The following SMARCAL1 variants were observed in gnomAD, a reference collection of about 807,000 sequenced individuals.
SMARCAL1 encodes SNF2 related chromatin remodeling annealing helicase 1, also known as ATP-driven annealing helicase.
A neutral mutation model predicts 94.5 loss-of-function variants in SMARCAL1; 58 were observed. The observed-to-expected ratio is 0.61, with a 90% CI of 0.50 to 0.76. The LOEUF (loss-of-function observed/expected upper bound fraction) is 0.76. SMARCAL1 is among the 30% of genes least tolerant of loss of function. The probability of loss-of-function intolerance (pLI) is 0.00; values close to 1 mark genes in which losing one functional copy is unlikely to be tolerated. For missense variants in SMARCAL1, 1,051 were observed against 1,177.9 expected (o/e 0.89, Z 1.58); for synonymous variants, 422 against 455.1 (o/e 0.93, Z 0.93).
rs571523733 is a variant in SMARCAL1 at position 216,434,920 on chromosome 2, G to A, written c.1486-418G>A. ...GTTGCCCAGGCCGGAGTGCAATGGC[G>A]CGATCTCGTCTCACCACAACCTCCA... On this transcript the variant is annotated intron_variant, in intron 8 of 17. Transcript: ENST00000357276. Among the ~76,000 whole-genome samples, 27 of 149,140 alleles carry A rather than the reference G, an allele frequency of 1.8e-4. No homozygotes were observed. The South Asian group carries it at 3.0e-3, about 16-fold the overall frequency.
chr2:216,444,814 G>A (rs1335975172), intron 10 of SMARCAL1, among the ~76,000 whole-genome samples: 2 of 152,134 alleles, frequency 1.3e-5, no homozygotes, highest in African/African-American at 4.8e-5. Context: ...ATCATGCCCG[G>A]TCAACTCTTA....
intron 17 of SMARCAL1, among the ~76,000 whole-genome samples, chr2:216,481,582 C>T (rs1301025898): frequency 6.6e-6 from 1 of 152,068 alleles, no homozygotes; most frequent in African/African-American, 2.4e-5. Flanking sequence ...TGGCTCACTG[C>T]AACCTCTGCC....
rs187010747 is a variant in SMARCAL1 at position 216,426,898 on chromosome 2, G to A, written c.1148-1698G>A. ...AACGTGTGCATAGGAAACTGATGAA[G>A]AAATGACAATAAGACCTGAGTACGT... On this transcript the variant is annotated intron_variant, in intron 6 of 17. Transcript: ENST00000357276. Among the ~76,000 whole-genome samples the A allele has an allele frequency of 5.0e-4, 76 of 152,300 alleles. 1 individual carries two copies. Among genetic ancestry groups the A allele is most frequent in the Middle Eastern group, 3.4e-3 (1 of 294 alleles).
chr2:216,422,915 C>T (rs1574449607), intron 5 of SMARCAL1, among the ~76,000 whole-genome samples: 1 of 152,226 alleles, frequency 6.6e-6, no homozygotes, highest in East Asian at 1.9e-4. Flanking sequence ...CTACACGATG[C>T]TGATTAGCAG....
At chr2:216,424,961 C>G (rs776488318) in intron 6 of SMARCAL1, among the ~76,000 whole-genome samples, 2 of 152,160 alleles carry the variant, frequency 1.3e-5, no homozygotes, top group Non-Finnish European at 2.9e-5. Context: ...CGCTGTCACC[C>G]AGGCTGGAGT....
intron 5 of SMARCAL1, 84 bp downstream of exon 5, chr2:216,420,616 T>C (rs1016976531): frequency 1.1e-5 from 12 of 1,051,580 alleles, no homozygotes; most frequent in Admixed American, 1.1e-4. Flanking sequence ...ACCTCGAATA[T>C]TCAAAAATTA....
intron 10 of SMARCAL1, among the ~76,000 whole-genome samples, chr2:216,442,075 G>A (rs1374116091): frequency 6.6e-6 from 1 of 152,074 alleles, no homozygotes; most frequent in Non-Finnish European, 1.5e-5. Context: ...AAAGGTATAA[G>A]GTTTTTTTCT....
Position 216,415,333 on chromosome 2 carries a change from G to T in SMARCAL1, c.629G>T (p.Ser210Ile), listed in dbSNP as rs760336986. ...SGQNISYIHS[S>I]SESVTPRTEG... ...CAGAACATTTCTTACATCCATTCTAGCTCAGAGAGTGTAACGCCCAGGACA... is the reference window on the plus strand; with the variant it reads ...CAGAACATTTCTTACATCCATTCTATCTCAGAGAGTGTAACGCCCAGGACA... Residue 210 changes from serine to isoleucine, a missense_variant, in exon 3 of 18, where the codon AGC (serine) becomes ATC (isoleucine). By Grantham distance (142) the Ser-to-Ile change is moderately radical. Transcript: ENST00000357276. 1.2e-5 allele frequency: 19 copies of T among 1,614,218 alleles called. No homozygotes were observed. Among genetic ancestry groups the T allele is most frequent in the Non-Finnish European group, 1.5e-5 (18 of 1,180,042 alleles).
intron 6 of SMARCAL1, among the ~76,000 whole-genome samples, chr2:216,425,654 GGAGAGTGAGCAAGGCA>G (rs1304090196): frequency 1.3e-5 from 2 of 152,178 alleles, no homozygotes; most frequent in African/African-American, 4.8e-5. Flanking sequence ...ATGAACAACT[GGAGAGTGAGCAAGGCA>G]GAGAAGGGTT....
chr2:216,480,862 T>G (rs966339770), intron 17 of SMARCAL1, among the ~76,000 whole-genome samples: 2 of 152,134 alleles, frequency 1.3e-5, no homozygotes, highest in African/African-American at 4.8e-5. Flanking sequence ...CAAAAAAATC[T>G]TTAAAGGAGA....
At chr2:216,420,806 G>T (rs1281862180) in intron 5 of SMARCAL1, among the ~76,000 whole-genome samples, 1 of 152,202 alleles carries the variant, frequency 6.6e-6, no homozygotes, top group African/African-American at 2.4e-5. Context: ...TCCTGCTTCA[G>T]CCATTTAAAA....
At chr2:216,439,772 GC>G (rs1262092013) in intron 10 of SMARCAL1, among the ~76,000 whole-genome samples, 1 of 152,124 alleles carries the variant, frequency 6.6e-6, no homozygotes, top group African/African-American at 2.4e-5. Flanking sequence ...TACTGCAAAA[GC>G]TTGGTTTTGC....
chr2:216,437,656 ACT>A (rs1694107231), intron 9 of SMARCAL1, among the ~76,000 whole-genome samples: 1 of 152,102 alleles, frequency 6.6e-6, no homozygotes, highest in South Asian at 2.1e-4. Context: ...AAGGAATTTG[ACT>A]CTGTACCAAA....
At chr2:216,418,216 A>C (rs955941595) in intron 4 of SMARCAL1, among the ~76,000 whole-genome samples, 1 of 152,302 alleles carries the variant, frequency 6.6e-6, no homozygotes, top group Non-Finnish European at 1.5e-5. Flanking sequence ...ACTGTGCCCG[A>C]CTATCATTGC....
intron 8 of SMARCAL1, 79 bp downstream of exon 8, chr2:216,432,947 AG>A (rs1473532053): frequency 6.4e-7 from 1 of 1,555,714 alleles, no homozygotes; most frequent in Non-Finnish European, 8.9e-7. Flanking sequence ...GTTTGCAGAC[AG>A]GGCCTAGGGA....
At chr2:216,413,064 A>AC (rs1328246696) in intron 1 of SMARCAL1, 1 of 146,092 alleles carries the variant, frequency 6.8e-6, no homozygotes, top group African/African-American at 2.5e-5. Context: ...CACCTCCAAA[A>AC]CCTTTTCCTA....
intron 17 of SMARCAL1, among the ~76,000 whole-genome samples, chr2:216,480,706 A>C (rs1403393245): frequency 6.6e-6 from 1 of 152,180 alleles, no homozygotes; most frequent in Admixed American, 6.5e-5. Context: ...AAGGAACTCT[A>C]CTTCACCAAT....
chr2:216,445,305 C>T (rs1694285185), intron 10 of SMARCAL1, among the ~76,000 whole-genome samples: 1 of 88,348 alleles, frequency 1.1e-5, no homozygotes, highest in Non-Finnish European at 2.1e-5. Flanking sequence ...AGACGAGATG[C>T]CATTCTGGTT....
At chr2:216,457,338 C>T (rs1269969673) in intron 12 of SMARCAL1, among the ~76,000 whole-genome samples, 1 of 152,156 alleles carries the variant, frequency 6.6e-6, no homozygotes, top group African/African-American at 2.4e-5. Context: ...ACCAAGCGGA[C>T]CTAATAGACA....
Sources: gnomAD v4.1 joint callset for allele counts (sites outside exome capture counted in the v4.1 genomes callset) on GRCh38, gnomAD v4.1.1 for gene constraint, MANE v1.5 for transcripts, NCBI Gene and HGNC (gene_info 2026-07-23, HGNC 2026-07-21) for gene names.